Variants in FAM120B observed in about 807,000 individuals in gnomAD.
The protein encoded by FAM120B is family with sequence similarity 120 member B, also known as constitutive coactivator of peroxisome proliferator-activated receptor gamma.
In FAM120B, 83 loss-of-function variants were observed where a neutral mutation model predicts 96.3. The ratio of observed to expected loss-of-function variants is 0.86; its 90% CI spans 0.72 to 1.03. FAM120B has a LOEUF of 1.03. Among genes scored for constraint, FAM120B ranks in the 50% least tolerant of loss-of-function variants. The pLI is 0.00. For synonymous variants in FAM120B, 407 were observed against 402.7 expected, an observed-to-expected ratio of 1.01 and a Z score of -0.13; for missense variants, 1,027 against 1,121.2, an observed-to-expected ratio of 0.92 and a Z score of 1.20.
intron 5 of FAM120B, among the ~76,000 whole-genome samples, chr6:170,348,597 C>T (rs1023451517): frequency 3.3e-5 from 5 of 152,300 alleles, no homozygotes; most frequent in Middle Eastern, 6.8e-3. Context: ...CTTGACTAAA[C>T]TTTCTCAAAC....
chr6:170,348,322 A>G lies in FAM120B; in HGVS notation c.2189A>G (p.Gln730Arg). 2.5e-6 allele frequency: 4 copies of G among 1,612,496 alleles called. No individual in the cohort carries two copies. The highest frequency in any genetic ancestry group is 3.4e-6 in the Non-Finnish European group (4 of 1,179,744). Residue 730 changes from glutamine (Q) to arginine (R), a missense_variant and splice_region_variant, in exon 5 of 11, where the codon CAG becomes CGG. Coordinates refer to ENST00000476287, the MANE Select transcript of FAM120B (RefSeq NM_032448.3). Reference protein sequence around the residue: ...LCCLLIYLFVQVDTLCLEDLH... With the variant: ...LCCLLIYLFVRVDTLCLEDLH... ...TGCCTCTTGATCTACCTCTTTGTCC[A>G]GGTAATGTCCAGCTGCCCGTTCTAG...
At position 170,318,675 on chromosome 6, in the gene FAM120B, A is replaced by G; in HGVS notation, c.1285A>G (p.Thr429Ala). 1 of 1,591,654 alleles carries G rather than the reference A, an allele frequency of 6.3e-7. No homozygotes were observed. The highest frequency in any genetic ancestry group is 8.6e-7 in the Non-Finnish European group (1 of 1,167,780). The part of the protein sequence containing the change: ...PEARQEVPMY[T>A]DSEPRQEVPM... ...AGCCAGGCAAGAAGTTCCCATGTAT[A>G]CAGACTCTGAACCCAGGCAAGAAGT... Residue 429 changes from threonine (T) to alanine (A), a missense_variant, in exon 2 of 11, where the codon ACA (threonine) becomes GCA (alanine). By Grantham distance (58) the Thr-to-Ala change is moderately conservative. Around this residue, in one of 3 missense-constraint regions of FAM120B, gnomAD observed 880 missense variants for 980.9 expected, o/e 0.90. Coordinates refer to ENST00000476287, the MANE Select transcript of FAM120B (RefSeq NM_032448.3).
chr6:170,398,862 G>C (rs1188699982), intron 9 of FAM120B, among the ~76,000 whole-genome samples: 1 of 151,806 alleles, frequency 6.6e-6, no homozygotes, highest in East Asian at 1.9e-4. Context: ...AGAAGTGAGT[G>C]GGAAAGGTAG....
At chr6:170,366,209 G>T (rs995258283) in intron 6 of FAM120B, among the ~76,000 whole-genome samples, 1 of 152,228 alleles carries the variant, frequency 6.6e-6, no homozygotes, top group Non-Finnish European at 1.5e-5. Flanking sequence ...AGATTCTGCT[G>T]CCTGAAAGCT....
intron 1 of FAM120B, among the ~76,000 whole-genome samples, chr6:170,301,493 ATTC>A (rs1442170349): frequency 1.3e-5 from 2 of 151,496 alleles, no homozygotes; most frequent in African/African-American, 4.8e-5. Flanking sequence ...AGTGATTAAC[ATTC>A]TTCTTCTCAT....
chr6:170,327,208 G>C (rs1367425999), intron 3 of FAM120B, among the ~76,000 whole-genome samples: 1 of 151,976 alleles, frequency 6.6e-6, no homozygotes, highest in Non-Finnish European at 1.5e-5. Flanking sequence ...CACCATGCCC[G>C]GCTAATTTTT....
At chr6:170,402,788 C>T (rs964352382) in intron 9 of FAM120B, among the ~76,000 whole-genome samples, 14 of 152,220 alleles carry the variant, frequency 9.2e-5, no homozygotes, top group Non-Finnish European at 2.9e-5. Flanking sequence ...CCTAAGGGAG[C>T]ATGTTTTACC....
chr6:170,392,790 G>A (rs962181941), intron 8 of FAM120B, among the ~76,000 whole-genome samples: 5 of 152,176 alleles, frequency 3.3e-5, no homozygotes, highest in African/African-American at 7.2e-5. Flanking sequence ...GGTGTCGTGC[G>A]TAGCACCCCA....
At chr6:170,316,058 CAA>C (rs35344814) in intron 1 of FAM120B, among the ~76,000 whole-genome samples, 24 of 91,826 alleles carry the variant, frequency 2.6e-4, no homozygotes, top group African/African-American at 9.1e-4. Flanking sequence ...GACCCGGTCT[CAA>C]AAAAAAAAAA....
intron 1 of FAM120B, among the ~76,000 whole-genome samples, chr6:170,310,876 T>C (rs747207771): frequency 1.2e-4 from 18 of 152,254 alleles, no homozygotes; most frequent in African/African-American, 3.4e-4. Flanking sequence ...TCTTGTCTTA[T>C]TCATTGCTGT....
At chr6:170,330,310 A>T (rs770860120) in intron 3 of FAM120B, 139 bp from the exon 4 acceptor site, 1 of 604,648 alleles carries the variant, frequency 1.7e-6, no homozygotes, top group Non-Finnish European at 3.0e-6. Context: ...TAATTGTTGG[A>T]TAACTTAAGG....
intron 7 of FAM120B, among the ~76,000 whole-genome samples, 193 bp from the exon 8 acceptor site, chr6:170,390,820 C>T (rs548925996): frequency 6.6e-6 from 1 of 152,240 alleles, no homozygotes; most frequent in African/African-American, 2.4e-5. Context: ...TCTCGAAGAA[C>T]CTCTTGGGAT....
At chr6:170,349,473 C>G (rs920222318) in intron 5 of FAM120B, among the ~76,000 whole-genome samples, 1 of 152,238 alleles carries the variant, frequency 6.6e-6, no homozygotes, top group African/African-American at 2.4e-5. Flanking sequence ...TAAATGTCCT[C>G]TTGGGTCTGC....
intron 9 of FAM120B, among the ~76,000 whole-genome samples, chr6:170,403,693 T>C (rs1449698899): frequency 3.9e-5 from 6 of 152,204 alleles, no homozygotes; most frequent in African/African-American, 1.4e-4. Flanking sequence ...TGGAAAGAGA[T>C]GACGTGTTAA....
intron 9 of FAM120B, among the ~76,000 whole-genome samples, chr6:170,401,541 C>A (rs1778584331): frequency 6.6e-6 from 1 of 152,170 alleles, no homozygotes; most frequent in Non-Finnish European, 1.5e-5. Context: ...GGAGCAAAGG[C>A]CGCTGTCCCC....
chr6:170,316,471 G>A (rs1349839302), intron 1 of FAM120B, among the ~76,000 whole-genome samples: 1 of 152,200 alleles, frequency 6.6e-6, no homozygotes, highest in African/African-American at 2.4e-5. Context: ...GACCATTCAC[G>A]CACATCATTG....
intron 3 of FAM120B, among the ~76,000 whole-genome samples, chr6:170,325,657 A>G (rs1014637488): frequency 3.3e-5 from 5 of 152,062 alleles, no homozygotes; most frequent in Admixed American, 1.3e-4. Context: ...CCTGGCCAAC[A>G]TGGTGAAACC....
At chr6:170,359,887 CAG>C in intron 6 of FAM120B, among the ~76,000 whole-genome samples, 1 of 151,914 alleles carries the variant, frequency 6.6e-6, no homozygotes, top group Non-Finnish European at 1.5e-5. Flanking sequence ...TAAGCAAAAA[CAG>C]AATTTTAAAA....
At chr6:170,345,235 A>G (rs1376903933) in intron 4 of FAM120B, among the ~76,000 whole-genome samples, 2 of 152,152 alleles carry the variant, frequency 1.3e-5, no homozygotes, top group African/African-American at 2.4e-5. Context: ...GTCCAGCCCA[A>G]TGTTCCCACC....
Sources: allele counts gnomAD v4.1 joint callset (sites outside exome capture counted in the v4.1 genomes callset), GRCh38; gene constraint gnomAD v4.1.1; regional missense constraint gnomAD v4.1.1; transcripts MANE v1.5; gene names NCBI Gene and HGNC (gene_info 2026-07-23, HGNC 2026-07-21).